The following GLIS3 variants were observed in gnomAD, a reference collection of about 807,000 sequenced individuals.
The protein encoded by GLIS3 is GLIS family zinc finger 3.
Under a neutral mutation model 78.6 loss-of-function variants are expected in GLIS3, and 53 were observed. The ratio of observed to expected loss-of-function variants is 0.67; its 90% CI spans 0.54 to 0.85. The LOEUF is 0.85. Ranked by LOEUF, GLIS3 falls within the 40% of genes least tolerant of loss-of-function variation. GLIS3 has a pLI of 0.00. For synonymous variants in GLIS3, 684 were observed against 509.9 expected, an observed-to-expected ratio of 1.34 and a Z score of -4.60; for missense variants, 1,703 against 1,231.1, an observed-to-expected ratio of 1.38 and a Z score of -5.74.
intron 4 of GLIS3, among the ~76,000 whole-genome samples, chr9:4,092,003 GGTGA>G (rs1432063416): frequency 6.6e-6 from 1 of 152,006 alleles, no homozygotes; most frequent in Non-Finnish European, 1.5e-5. Flanking sequence ...AGTTGTTCTG[GGTGA>G]GTGAGTGCTG....
At chr9:3,870,441 A>G (rs57702069) in intron 8 of GLIS3, among the ~76,000 whole-genome samples, 6,362 of 152,296 alleles carry the variant, frequency 0.042, 386 homozygotes, top group African/African-American at 0.13. Context: ...GTCTGTTTTC[A>G]TGCTGCTGTT....
At position 3,949,832 on chromosome 9, in the gene GLIS3, TGC is replaced by T. The variant is rs1816555896; in HGVS notation, c.1711-12645_1711-12644del. Among the ~76,000 whole-genome samples, 19 of 152,350 alleles carry T rather than the reference TGC, an allele frequency of 1.2e-4. No individual in the cohort carries two copies. In the South Asian group the frequency reaches 3.7e-3, roughly 30 times the overall value. Reference sequence around the variant, plus strand: ...CGAGAAAGAGAAAAATAGTTCATTTTGCTATTTTCCGTTGGTGGATATAAGAA... The same window carrying T: ...CGAGAAAGAGAAAAATAGTTCATTTTTATTTTCCGTTGGTGGATATAAGAA... On this transcript the variant is annotated intron_variant, in intron 4 of 10. Coordinates refer to ENST00000381971, the MANE Select transcript of GLIS3 (RefSeq NM_001042413.2).
At chr9:4,249,251 T>G (rs113359231) in intron 2 of GLIS3, among the ~76,000 whole-genome samples, 6,058 of 152,308 alleles carry the variant, frequency 0.04, 413 homozygotes, top group African/African-American at 0.14. Flanking sequence ...TTCCTATCCA[T>G]GAACATGGAA....
intron 2 of GLIS3, among the ~76,000 whole-genome samples, chr9:4,261,574 G>A (rs1285479606): frequency 6.6e-6 from 1 of 152,092 alleles, no homozygotes; most frequent in Non-Finnish European, 1.5e-5. Flanking sequence ...AAAATGAAGT[G>A]ACAATGGCCC....
chr9:4,309,671 T>C (rs976243169), intron 3 of GLIS3, among the ~76,000 whole-genome samples: 1 of 152,258 alleles, frequency 6.6e-6, no homozygotes, highest in Admixed American at 6.5e-5. Flanking sequence ...CACACTCATA[T>C]ACATTTTAAC....
At chr9:3,961,529 G>T (rs1258483209) in intron 4 of GLIS3, among the ~76,000 whole-genome samples, 1 of 152,176 alleles carries the variant, frequency 6.6e-6, no homozygotes, top group African/African-American at 2.4e-5. Flanking sequence ...AAAGTTTCTT[G>T]ATTGTAAATG....
intron 4 of GLIS3, among the ~76,000 whole-genome samples, chr9:4,012,765 C>CTTTTTTTTTTTTTTTTTTT (rs71324278): frequency 3.0e-5 from 2 of 66,476 alleles, no homozygotes; most frequent in Non-Finnish European, 5.6e-5. Context: ...TTTTCTTTTT[C>CTTTTTTTTTTTTTTTTTTT]TTTTTTTTTT....
Position 4,254,275 on chromosome 9 carries a change from T to G in GLIS3, c.388+31763A>C, listed in dbSNP as rs1297387063. The stretch of plus-strand genomic sequence containing the variant: ...TACGTGAGAATAAAGAGTCCATTCA[T>G]GATATCAACAACATCAAAAACAATG... On this transcript the variant is annotated intron_variant, in intron 2 of 10. Coordinates refer to ENST00000381971, the MANE Select transcript of GLIS3 (RefSeq NM_001042413.2). 3.9e-5 allele frequency among the ~76,000 whole-genome samples: 6 copies of G among 152,206 alleles called. No individual in the cohort carries two copies. In the East Asian group the frequency reaches 9.6e-4, roughly 24 times the overall value.
At chr9:4,314,704 T>G (rs1817412990) in intron 2 of GLIS3, among the ~76,000 whole-genome samples, 3 of 152,226 alleles carry the variant, frequency 2.0e-5, no homozygotes. Flanking sequence ...AAAAGAACAC[T>G]GATTTTTCTG....
intron 6 of GLIS3, among the ~76,000 whole-genome samples, chr9:3,917,897 A>T (rs1824626775): frequency 6.6e-6 from 1 of 152,236 alleles, no homozygotes; most frequent in Non-Finnish European, 1.5e-5. Flanking sequence ...AATAACTAAT[A>T]GGGATCTTCT....
At chr9:4,316,116 A>G (rs760994012) in intron 2 of GLIS3, among the ~76,000 whole-genome samples, 24 of 152,326 alleles carry the variant, frequency 1.6e-4, no homozygotes, top group South Asian at 4.1e-4. Context: ...CATCACACCA[A>G]CACACCTCTC....
At chr9:4,304,197 C>G (rs10124190), upstream of GLIS3, among the ~76,000 whole-genome samples, 19,521 of 152,196 alleles carry the variant, frequency 0.13, 2,653 homozygotes, top group African/African-American at 0.34. Flanking sequence ...AAGAGACTAA[C>G]AGATGCTCTT....
intron 6 of GLIS3, among the ~76,000 whole-genome samples, chr9:3,902,725 C>T (rs199681024): frequency 6.6e-6 from 1 of 152,100 alleles, no homozygotes; most frequent in Non-Finnish European, 1.5e-5. Flanking sequence ...ACTCTTGGAA[C>T]CACTAGTCTC....
At chr9:4,148,008 T>A (rs1834362409) in intron 2 of GLIS3, among the ~76,000 whole-genome samples, 1 of 152,160 alleles carries the variant, frequency 6.6e-6, no homozygotes, top group Non-Finnish European at 1.5e-5. Context: ...GCAAACACAT[T>A]AGCAAACCAG....
chr9:4,162,026 G>C (rs1251635895), intron 2 of GLIS3, among the ~76,000 whole-genome samples: 7 of 151,990 alleles, frequency 4.6e-5, no homozygotes, highest in Admixed American at 1.3e-4. Flanking sequence ...GCAGGGCCAG[G>C]CTCTCTCTGT....
At chr9:4,126,086 C>T (rs546693239) in intron 2 of GLIS3, 145 bp from the exon 3 acceptor site, 1 of 671,612 alleles carries the variant, frequency 1.5e-6, no homozygotes, top group South Asian at 1.7e-5. Context: ...TAGCAAAAGG[C>T]TTTCTCCAAT....
intron 4 of GLIS3, among the ~76,000 whole-genome samples, chr9:3,969,002 CTT>C (rs914368054): frequency 2.0e-5 from 3 of 152,162 alleles, no homozygotes; most frequent in African/African-American, 7.2e-5. Context: ...AACGGCTTGG[CTT>C]TTTTTCCATT....
At chr9:4,484,340 C>T in the GLIS3 span, among the ~76,000 whole-genome samples, 4 of 147,872 alleles carry the variant, frequency 2.7e-5, no homozygotes, top group African/African-American at 7.5e-5. Flanking sequence ...CAAGTTCAAG[C>T]GATTATCCTG....
chr9:3,984,455 TG>T (rs1439721682), intron 4 of GLIS3, among the ~76,000 whole-genome samples: 1 of 152,236 alleles, frequency 6.6e-6, no homozygotes, highest in Non-Finnish European at 1.5e-5. Context: ...GCATGGGCCC[TG>T]TAGCCCCTTT....
Sources: allele counts gnomAD v4.1 joint callset (sites outside exome capture counted in the v4.1 genomes callset), GRCh38; gene constraint gnomAD v4.1.1; transcripts MANE v1.5; gene names NCBI Gene and HGNC (gene_info 2026-07-23, HGNC 2026-07-21).